MTHFD1L: variants seen among roughly 807,000 people sequenced by gnomAD.
MTHFD1L encodes monofunctional C1-tetrahydrofolate synthase, mitochondrial.
A neutral mutation model predicts 119.5 loss-of-function variants in MTHFD1L; 81 were observed. The observed-to-expected ratio is 0.68, with a 90% CI of 0.57 to 0.82. The LOEUF (loss-of-function observed/expected upper bound fraction) is 0.82. Among genes scored for constraint, MTHFD1L ranks in the 40% least tolerant of loss-of-function variants. MTHFD1L has a pLI of 0.00. For missense variants in MTHFD1L, 1,125 were observed against 1,253.4 expected (o/e 0.90, Z 1.55); for synonymous variants, 430 against 475.2 (o/e 0.90, Z 1.24).
chr6:151,055,899 A>G (rs4869712), intron 26 of MTHFD1L: 3 of 152,204 alleles, frequency 2.0e-5, no homozygotes, highest in Non-Finnish European at 4.4e-5. Flanking sequence ...CAAGAACTGT[A>G]TAATAGGAAA....
At chr6:150,980,558 G>T (rs1156653864) in intron 20 of MTHFD1L, among the ~76,000 whole-genome samples, 1 of 152,070 alleles carries the variant, frequency 6.6e-6, no homozygotes, top group Non-Finnish European at 1.5e-5. Flanking sequence ...GTCGCTGTGT[G>T]TCCTTTAGTT....
At position 151,075,421 on chromosome 6, in the gene MTHFD1L, G is replaced by A. The variant is rs1268810543; in HGVS notation, c.2848-17046G>A. Among the ~76,000 whole-genome samples, 3 of 152,168 alleles carry A rather than the reference G, an allele frequency of 2.0e-5. No homozygotes were observed. The East Asian group carries it at 5.8e-4, about 29-fold the overall frequency. On this transcript the variant is annotated intron_variant, in intron 26 of 27. Coordinates refer to ENST00000367321, the MANE Select transcript of MTHFD1L (RefSeq NM_015440.5). ...AAGAGGCTTGTTTCATTATGACAAA[G>A]GGGCCGTTTCACGAACAGGACATAG...
chr6:151,028,141 A>G (rs539346608), intron 24 of MTHFD1L, among the ~76,000 whole-genome samples: 1 of 152,184 alleles, frequency 6.6e-6, no homozygotes, highest in East Asian at 1.9e-4. Flanking sequence ...GTTGGGATTC[A>G]TTCGTACTAC....
intron 24 of MTHFD1L, among the ~76,000 whole-genome samples, chr6:151,031,729 G>A (rs889189190): frequency 6.6e-6 from 1 of 152,016 alleles, no homozygotes; most frequent in Non-Finnish European, 1.5e-5. Flanking sequence ...TCCTTTATGG[G>A]TTATTCTATT....
intron 17 of MTHFD1L, chr6:150,959,206 T>C (rs1450712237): frequency 1.0e-6 from 1 of 984,806 alleles, no homozygotes; most frequent in Non-Finnish European, 1.2e-6. Context: ...AACCAGGAAG[T>C]AGCCAGAAAG....
intron 5 of MTHFD1L, among the ~76,000 whole-genome samples, chr6:150,884,174 C>T (rs1173677971): frequency 6.8e-6 from 1 of 147,938 alleles, no homozygotes; most frequent in Non-Finnish European, 1.5e-5. Flanking sequence ...CAGAGTCTCA[C>T]TCTGTTGCCC....
chr6:151,027,105 A>C (rs891993656), intron 24 of MTHFD1L, among the ~76,000 whole-genome samples: 2 of 151,896 alleles, frequency 1.3e-5, no homozygotes, highest in African/African-American at 2.4e-5. Flanking sequence ...CTGGGATTAC[A>C]GGTGTGAGCC....
chr6:150,900,573 C>T (rs576146085), intron 7 of MTHFD1L, among the ~76,000 whole-genome samples: 21 of 152,286 alleles, frequency 1.4e-4, no homozygotes, highest in African/African-American at 2.9e-4. Flanking sequence ...TTCCTGCAGA[C>T]GCCTCCTCCA....
chr6:150,982,908 C>A (rs1192538762), intron 20 of MTHFD1L, among the ~76,000 whole-genome samples: 1 of 152,102 alleles, frequency 6.6e-6, no homozygotes, highest in African/African-American at 2.4e-5. Flanking sequence ...CCAAGTTGAC[C>A]AGGTTGGTTT....
chr6:151,006,407 C>A lies in MTHFD1L; in HGVS notation c.2126-3412C>A, dbSNP rs1296367276. ...CCGGAAGCTTGATATTACAGAGGCA[C>A]GAAGTCTGAGGCAGGGAGTGTGAAG... On this transcript the variant is annotated intron_variant, in intron 20 of 27. Coordinates refer to ENST00000367321, the MANE Select transcript of MTHFD1L (RefSeq NM_015440.5). Among the ~76,000 whole-genome samples the A allele has an allele frequency of 2.0e-5, 3 of 151,876 alleles. No individual in the cohort carries two copies. In the East Asian group the frequency reaches 5.8e-4, roughly 29 times the overall value.
At chr6:150,912,964 G>GTC (rs146130827) in intron 8 of MTHFD1L, 14,881 of 159,634 alleles carry the variant, frequency 0.093, 902 homozygotes, top group Admixed American at 0.16. Flanking sequence ...TGAGTTGCCA[G>GTC]TCTTAATTGC....
rs1778186239 is a variant in MTHFD1L, at chr6:150,865,754, C to T, written c.-69C>T. 1.7e-6 allele frequency: 2 copies of T among 1,165,490 alleles called. No homozygotes were observed. The highest frequency in any genetic ancestry group is 4.5e-5 in the Admixed American group (1 of 22,354). 72.2% of individuals were successfully genotyped at this position (1,165,490 alleles called of 1,614,324 possible). ...CGCCGCCGCCGCCGCCGCCTGCTCC[C>T]CTGGCACGCGCCCCGCCGCCCTCGG... On this transcript the variant is annotated 5_prime_UTR_variant, in exon 1 of 28. Coordinates refer to ENST00000367321, the MANE Select transcript of MTHFD1L (RefSeq NM_015440.5).
At chr6:150,965,085 C>A in intron 19 of MTHFD1L, 48 bp downstream of exon 19, 1 of 1,555,208 alleles carries the variant, frequency 6.4e-7, no homozygotes, top group Non-Finnish European at 8.9e-7. Flanking sequence ...ACTGGATTGC[C>A]ACACAATGTG....
intron 19 of MTHFD1L, among the ~76,000 whole-genome samples, chr6:150,968,395 A>C (rs961788200): frequency 6.6e-6 from 1 of 152,266 alleles, no homozygotes; most frequent in Non-Finnish European, 1.5e-5. Context: ...AAATAACTGA[A>C]TAAGAGAAAA....
chr6:151,071,431 C>T (rs982559467), intron 26 of MTHFD1L, among the ~76,000 whole-genome samples: 1 of 152,138 alleles, frequency 6.6e-6, no homozygotes, highest in Admixed American at 6.6e-5. Context: ...TACTGCTCTA[C>T]TTCAACATGC....
In MTHFD1L at chr6:150,935,204, G is replaced by T; in HGVS notation, c.1257-1600G>T. ...TCACTTCTGGGATGTAGGTGGTCAG[G>T]AGAAATTAAGGCCACTGTGGAAGTC... On this transcript the variant is annotated intron_variant, in intron 11 of 27. Coordinates refer to ENST00000367321, the MANE Select transcript of MTHFD1L (RefSeq NM_015440.5). 3.1e-6 allele frequency: 5 copies of T among 1,611,942 alleles called. No homozygotes were observed. In the Admixed American group the frequency reaches 8.3e-5, roughly 27 times the overall value.
chr6:150,948,057 G>A (rs1254370580), intron 15 of MTHFD1L, among the ~76,000 whole-genome samples: 1 of 152,058 alleles, frequency 6.6e-6, no homozygotes, highest in Non-Finnish European at 1.5e-5. Flanking sequence ...GCCCAGGCTG[G>A]AGTGCAATGG....
rs1446169636 is a variant in MTHFD1L at position 151,004,027 on chromosome 6, AGAG to A, written c.2126-5791_2126-5789del. On this transcript the variant is annotated intron_variant, in intron 20 of 27. Transcript: ENST00000367321. ...TTTTTTTAAAAAAAAAAAAAAAAAAAGAGAGAGAGAGATTGGTGATTACTTTAA... is the reference window on the plus strand; with the variant it reads ...TTTTTTTAAAAAAAAAAAAAAAAAAAAGAGAGAGATTGGTGATTACTTTAA... 2.9e-3 allele frequency among the ~76,000 whole-genome samples: 360 copies of A among 124,894 alleles called. 1 individual carries two copies. The highest frequency in any genetic ancestry group is 0.012 in the African/African-American group (331 of 28,342). 81.9% of individuals were successfully genotyped at this position (124,894 alleles called of 152,430 possible). A position where few individuals can be genotyped will look rare whatever the true frequency, so the allele number is the denominator to read the frequency against.
At chr6:150,873,700 G>A (rs993700475) in intron 1 of MTHFD1L, among the ~76,000 whole-genome samples, 5 of 151,832 alleles carry the variant, frequency 3.3e-5, no homozygotes, top group South Asian at 2.1e-4. Flanking sequence ...ACAGAGTCTC[G>A]CTCTGTCACC....
Sources: gnomAD v4.1 joint callset for allele counts (sites outside exome capture counted in the v4.1 genomes callset) on GRCh38, gnomAD v4.1.1 for gene constraint, MANE v1.5 for transcripts, NCBI Gene and HGNC (gene_info 2026-07-23, HGNC 2026-07-21) for gene names.